Variants in BAD observed in about 807,000 individuals in gnomAD.
BAD encodes bcl2-associated agonist of cell death.
Under a neutral mutation model 17.8 loss-of-function variants are expected in BAD, and 18 were observed. That is an observed-to-expected ratio of 1.01 (90% confidence interval 0.70 to 1.50). The LOEUF (loss-of-function observed/expected upper bound fraction) is 1.50. BAD is among the 40% of genes most tolerant of loss of function. The pLI is 0.00. For missense variants in BAD, 294 were observed against 239.3 expected (o/e 1.23, Z -1.51); for synonymous variants, 112 against 91.5 (o/e 1.22, Z -1.28).
At chr11:64,272,314 C>T (rs1304536125) in intron 2 of BAD, among the ~76,000 whole-genome samples, 1 of 141,980 alleles carries the variant, frequency 7.0e-6, no homozygotes, top group African/African-American at 2.5e-5. Context: ...CTTTTTTTCT[C>T]AAAAGAAAAA....
At chr11:64,280,575 T>C (rs1341721341) in intron 2 of BAD, among the ~76,000 whole-genome samples, 1 of 150,570 alleles carries the variant, frequency 6.6e-6, no homozygotes, top group East Asian at 2.0e-4. Flanking sequence ...ATGGTCTTGA[T>C]CTCCTGACCT....
rs920264781 is a variant in BAD at position 64,271,671 on chromosome 11, G to A, written c.320C>T (p.Ala107Val). ...CCGGAGCTCGCGGCCATAGCGCTGT[G>A]CTGCCCAGAGGTTGGGGGGCGCCGA... ...SRSAPPNLWA[A>V]QRYGRELRRM... Residue 107 changes from alanine to valine, a missense_variant, in exon 3 of 4, where the codon GCA (alanine) becomes GTA (valine). Coordinates refer to ENST00000309032, the MANE Select transcript of BAD (RefSeq NM_032989.3). 1 of 1,506,514 alleles carries A rather than the reference G, an allele frequency of 6.6e-7. No homozygotes were observed. Among genetic ancestry groups the A allele is most frequent in the Non-Finnish European group, 8.9e-7 (1 of 1,126,584 alleles). 93.3% of individuals were successfully genotyped at this position (1,506,514 alleles called of 1,614,324 possible). A position where few individuals can be genotyped will look rare whatever the true frequency, so the allele number is the denominator to read the frequency against.
chr11:64,284,418 C>T, intron 1 of BAD, 42 bp from the exon 2 acceptor site: 7 of 1,608,874 alleles, frequency 4.4e-6, no homozygotes, highest in Non-Finnish European at 5.9e-6. Flanking sequence ...ACAGCTGGGG[C>T]CAACGGTGGC....
chr11:64,283,832 C>A (rs1375490019), intron 2 of BAD, among the ~76,000 whole-genome samples: 1 of 152,028 alleles, frequency 6.6e-6, no homozygotes, highest in Non-Finnish European at 1.5e-5. Context: ...CTGGAGTCTC[C>A]CTAAGTCACT....
chr11:64,270,145 C>T lies in BAD; in HGVS notation c.*64G>A. 3.1e-6 allele frequency: 5 copies of T among 1,612,102 alleles called. No homozygotes were observed. In the East Asian group the frequency reaches 8.9e-5, roughly 29 times the overall value. On this transcript the variant is annotated 3_prime_UTR_variant, in exon 4 of 4. Coordinates refer to ENST00000309032, the MANE Select transcript of BAD (RefSeq NM_032989.3). ...ATAGGCCTGAGGGAAGTACTTCCGC[C>T]CATATTCAAGATGGCTGCCCAGGGC...
chr11:64,279,714 G>C, intron 2 of BAD, among the ~76,000 whole-genome samples: 1 of 140,972 alleles, frequency 7.1e-6, no homozygotes, highest in East Asian at 2.1e-4. Flanking sequence ...AGTGAGCCGA[G>C]ATCGTGCCAC....
intron 2 of BAD, chr11:64,276,818 A>T (rs1447935304): frequency 3.0e-6 from 2 of 677,072 alleles, no homozygotes; most frequent in Admixed American, 2.1e-5. Context: ...CACTCTTGCC[A>T]TCCGCCTAGA....
chr11:64,282,329 T>C (rs2033533390), intron 2 of BAD, among the ~76,000 whole-genome samples: 1 of 152,114 alleles, frequency 6.6e-6, no homozygotes, highest in Non-Finnish European at 1.5e-5. Flanking sequence ...AGGCTGAGCA[T>C]GGTGGCTCAC....
intron 1 of BAD, 92 bp from the exon 2 acceptor site, chr11:64,284,468 ACCGTAGCGCC>A: frequency 6.3e-7 from 1 of 1,595,538 alleles, no homozygotes; most frequent in Non-Finnish European, 8.5e-7. Context: ...TTCCTCTCCC[ACCGTAGCGCC>A]CCCAGGCCCG....
chr11:64,280,524 T>C (rs2033395407), intron 2 of BAD, among the ~76,000 whole-genome samples: 1 of 139,910 alleles, frequency 7.1e-6, no homozygotes, highest in South Asian at 2.4e-4. Context: ...GCTAATTTTT[T>C]GTATTTTTAG....
In BAD at chr11:64,270,143, G is replaced by C; in HGVS notation, c.*66C>G. The C allele has an allele frequency of 6.2e-7, 1 of 1,610,932 alleles. No individual in the cohort carries two copies. Among genetic ancestry groups the C allele is most frequent in the Non-Finnish European group, 8.5e-7 (1 of 1,177,942 alleles). ...GCATAGGCCTGAGGGAAGTACTTCC[G>C]CCCATATTCAAGATGGCTGCCCAGG... On this transcript the variant is annotated 3_prime_UTR_variant, in exon 4 of 4. Coordinates refer to ENST00000309032, the MANE Select transcript of BAD (RefSeq NM_032989.3).
At chr11:64,277,490 T>C (rs973250417) in intron 2 of BAD, among the ~76,000 whole-genome samples, 1 of 152,134 alleles carries the variant, frequency 6.6e-6, no homozygotes, top group Admixed American at 6.5e-5. Context: ...CAGACTGGAG[T>C]GGGGTGGCAC....
chr11:64,278,152 G>C (rs1383856780), intron 2 of BAD, among the ~76,000 whole-genome samples: 1 of 152,042 alleles, frequency 6.6e-6, no homozygotes, highest in African/African-American at 2.4e-5. Flanking sequence ...AAATTAGCCA[G>C]GCATGGTGGC....
intron 2 of BAD, among the ~76,000 whole-genome samples, chr11:64,276,086 TGCCTTGGAGGCCTAGGCTGGGGAAG>T (rs1219409476): frequency 6.6e-6 from 1 of 152,152 alleles, no homozygotes; most frequent in Non-Finnish European, 1.5e-5. Context: ...TACCTTGGGC[TGCCTTGGAGGCCTAGGCTGGGGAAG>T]GCCCCTTTGG....
At chr11:64,277,882 A>G (rs1019069926) in intron 2 of BAD, among the ~76,000 whole-genome samples, 4 of 152,250 alleles carry the variant, frequency 2.6e-5, no homozygotes, top group African/African-American at 9.6e-5. Context: ...TGTGTAAATG[A>G]ATACACTGCA....
At chr11:64,279,043 TGTC>T (rs2033254217) in intron 2 of BAD, among the ~76,000 whole-genome samples, 1 of 151,832 alleles carries the variant, frequency 6.6e-6, no homozygotes, top group Non-Finnish European at 1.5e-5. Context: ...TGGGGGGAGG[TGTC>T]GTCCCTGGCC....
intron 2 of BAD, among the ~76,000 whole-genome samples, chr11:64,283,861 CT>C (rs1185264914): frequency 6.6e-6 from 1 of 152,110 alleles, no homozygotes; most frequent in East Asian, 1.9e-4. Flanking sequence ...CCTTGAACTT[CT>C]GGGCTCAAGC....
Position 64,271,674 on chromosome 11 carries a change from G to T in BAD, c.317C>A (p.Ala106Glu), listed in dbSNP as rs1210037255. The change falls in exon 3 of 4, where the codon GCA becomes GAA. Residue 106 changes from alanine (A) to glutamate (E), a missense_variant. By Grantham distance (107) the Ala-to-Glu change is moderately radical. Coordinates refer to ENST00000309032, the MANE Select transcript of BAD (RefSeq NM_032989.3). ...RSRSAPPNLW[A>E]AQRYGRELRR... ...GAGCTCGCGGCCATAGCGCTGTGCT[G>T]CCCAGAGGTTGGGGGGCGCCGAGCG... 3.3e-6 allele frequency: 5 copies of T among 1,501,034 alleles called. No homozygotes were observed. The highest frequency in any genetic ancestry group is 4.4e-6 in the Non-Finnish European group (5 of 1,123,814). The allele number at this position is 1,501,034 out of a possible 1,614,324, so 93.0% of individuals were successfully genotyped here.
At chr11:64,279,016 G>A (rs1294647481) in intron 2 of BAD, among the ~76,000 whole-genome samples, 3 of 152,162 alleles carry the variant, frequency 2.0e-5, no homozygotes, top group African/African-American at 4.8e-5. Context: ...TCTTTCCTAC[G>A]GGTCTGCAGC....
Sources: gnomAD v4.1 joint callset for allele counts (sites outside exome capture counted in the v4.1 genomes callset) on GRCh38, gnomAD v4.1.1 for gene constraint, MANE v1.5 for transcripts, NCBI Gene and HGNC (gene_info 2026-07-23, HGNC 2026-07-21) for gene names.